Variants in NYNRIN observed in about 807,000 individuals in gnomAD.
NYNRIN encodes NYN domain and retroviral integrase containing, also known as protein NYNRIN.
Under a neutral mutation model 146.6 loss-of-function variants are expected in NYNRIN, and 86 were observed. The ratio of observed to expected loss-of-function variants is 0.59; its 90% CI spans 0.49 to 0.70. The LOEUF (loss-of-function observed/expected upper bound fraction) is 0.70. Ranked by LOEUF, NYNRIN falls within the 30% of genes least tolerant of loss-of-function variation. The pLI is 0.00. For missense variants in NYNRIN, 2,191 were observed against 2,377.7 expected (o/e 0.92, Z 1.63); for synonymous variants, 1,027 against 1,001.3 (o/e 1.03, Z -0.48).
rs1407890698 is a variant in NYNRIN at position 24,418,369 on chromosome 14, C to G, written c.*923C>G. The G allele has an allele frequency of 2.3e-6, 1 of 429,106 alleles. No homozygotes were observed. The highest frequency in any genetic ancestry group is 4.7e-6 in the Non-Finnish European group (1 of 214,514). The allele number at this position is 429,106 out of a possible 1,614,324, so 26.6% of individuals were successfully genotyped here. On this transcript the variant is annotated 3_prime_UTR_variant, in exon 9 of 9. Transcript: ENST00000382554. ...GTGCTGGCATGGCTCTACCTCCCAA[C>G]CCCTCCCAACCCCATCCCAAAGCCT... is the stretch of plus-strand genomic sequence containing the variant.
At chr14:24,404,300 C>T (rs1225058775) in intron 2 of NYNRIN, among the ~76,000 whole-genome samples, 1 of 152,156 alleles carries the variant, frequency 6.6e-6, no homozygotes, top group African/African-American at 2.4e-5. Context: ...TCTTTCATTT[C>T]TGCCATCAAA....
rs1450372895 is a variant in NYNRIN at position 24,415,674 on chromosome 14, T to A, written c.3925T>A (p.Cys1309Ser). The change falls in exon 9 of 9, where the codon TGC becomes AGC. Residue 1309 changes from cysteine (C) to serine (S), a missense_variant. This residue lies in a region of NYNRIN where 1,291 missense variants were observed against 1,417.0 expected (regional missense o/e 0.91). Coordinates refer to ENST00000382554, the MANE Select transcript of NYNRIN (RefSeq NM_025081.3). ...PPFSDLSTFV[C>S]IHMSGYCFYR... Reference sequence around the variant, plus strand: ...TTTCTCTGACCTGTCCACGTTCGTCTGCATCCACATGTCGGGCTACTGCTT... The same window carrying A: ...TTTCTCTGACCTGTCCACGTTCGTCAGCATCCACATGTCGGGCTACTGCTT... 1 of 1,614,040 alleles carries A rather than the reference T, an allele frequency of 6.2e-7. No homozygotes were observed. Among genetic ancestry groups the A allele is most frequent in the Non-Finnish European group, 8.5e-7 (1 of 1,179,892 alleles).
At position 24,399,522 on chromosome 14, in the gene NYNRIN, C is replaced by A; in HGVS notation, c.198+78C>A. The A allele has an allele frequency of 2.4e-5, 32 of 1,310,284 alleles. 1 individual carries two copies. The South Asian group carries it at 4.1e-4, about 17-fold the overall frequency. 81.2% of individuals were successfully genotyped at this position (1,310,284 alleles called of 1,614,324 possible). ...CCCCTTCCCCTGGGGAGATGGTGGT[C>A]CGCAGAGACACCACCCACCCTGCCC... On this transcript the variant is annotated intron_variant, in intron 2 of 8. Coordinates refer to ENST00000382554, the MANE Select transcript of NYNRIN (RefSeq NM_025081.3).
chr14:24,401,203 G>A lies in NYNRIN; in HGVS notation c.198+1759G>A, dbSNP rs376505449. Among the ~76,000 whole-genome samples, 20 of 152,256 alleles carry A rather than the reference G, an allele frequency of 1.3e-4. No individual in the cohort carries two copies. The East Asian group carries it at 3.5e-3, about 26-fold the overall frequency. ...CTGCTGCTTCAGGGTTCTTCGGACC[G>A]CAGATCTCACACCTCAGGCTCCCAC... On this transcript the variant is annotated intron_variant, in intron 2 of 8. Coordinates refer to ENST00000382554, the MANE Select transcript of NYNRIN (RefSeq NM_025081.3).
intron 6 of NYNRIN, among the ~76,000 whole-genome samples, chr14:24,412,385 G>A (rs17199955): frequency 0.12 from 18,954 of 152,194 alleles, 1,264 homozygotes; most frequent in Middle Eastern, 0.16. Flanking sequence ...TTCTTTCCTG[G>A]TCACAGCCCT....
Position 24,399,089 on chromosome 14 carries a change from GGGTCCCGCCGCCTGGAGGAA to G in NYNRIN, c.-18+6_-18+25del. On this transcript the variant is annotated splice_donor_5th_base_variant and intron_variant, in intron 1 of 8. Transcript: ENST00000382554. ...GGCGGGCGCCCGAGCCGTGCGGGGTGGGTCCCGCCGCCTGGAGGAAGGAGGCCGTGCGGGGGGCGCGCCGC... is the reference window on the plus strand; with the variant it reads ...GGCGGGCGCCCGAGCCGTGCGGGGTGGGAGGCCGTGCGGGGGGCGCGCCGC... 1 of 652,960 alleles carries G rather than the reference GGGTCCCGCCGCCTGGAGGAA, an allele frequency of 1.5e-6. No homozygotes were observed. The highest frequency in any genetic ancestry group is 2.5e-6 in the Non-Finnish European group (1 of 400,858). 40.4% of individuals were successfully genotyped at this position (652,960 alleles called of 1,614,324 possible).
intron 4 of NYNRIN, 129 bp downstream of exon 4, chr14:24,410,337 A>G: frequency 1.4e-6 from 1 of 731,584 alleles, no homozygotes; most frequent in Non-Finnish European, 2.2e-6. Context: ...ATGGGAGGGA[A>G]GTGGTCCATC....
intron 1 of NYNRIN, 56 bp from the exon 2 acceptor site, chr14:24,399,174 G>C: frequency 6.9e-7 from 1 of 1,441,818 alleles, no homozygotes; most frequent in Non-Finnish European, 9.6e-7. Flanking sequence ...GGGGCTGGGG[G>C]CTGGGGCGCC....
chr14:24,413,422 T>C lies in NYNRIN; in HGVS notation c.2846+5T>C, dbSNP rs376775804. 1.6e-5 allele frequency: 25 copies of C among 1,602,312 alleles called. No individual in the cohort carries two copies. The African/African-American group carries it at 3.2e-4, about 21-fold the overall frequency. ...GTTTCTGAAGAAGCCAAACAGGTAA[T>C]AGGTCAGACCTCCCCAGCCTCCCAG... On this transcript the variant is annotated splice_donor_5th_base_variant and intron_variant, in intron 8 of 8. Transcript: ENST00000382554.
intron 2 of NYNRIN, among the ~76,000 whole-genome samples, chr14:24,405,163 C>T (rs921471419): frequency 6.6e-6 from 1 of 152,014 alleles, no homozygotes; most frequent in African/African-American, 2.4e-5. Context: ...CCCTTCACTT[C>T]CAATTCCAGA....
chr14:24,414,279 G>A (rs1465623732), intron 8 of NYNRIN, among the ~76,000 whole-genome samples: 1 of 152,262 alleles, frequency 6.6e-6, no homozygotes. Flanking sequence ...GCTCATCCTG[G>A]GTTAGGCTGG....
chr14:24,417,196 G>T lies in NYNRIN; in HGVS notation c.5447G>T (p.Arg1816Leu), dbSNP rs775804688. ...DKASEKAENR[R>L]FKRESQEKEW... is the part of the protein sequence containing the mutation. The stretch of plus-strand genomic sequence containing the variant: ...GCGAGTGAAAAGGCCGAGAACAGGC[G>T]TTTCAAGCGGGAGAGCCAGGAGAAG... The change falls in exon 9 of 9, where the codon CGT (arginine) becomes CTT (leucine). Residue 1816 changes from arginine to leucine, a missense_variant. By Grantham distance (102) the Arg-to-Leu change is moderately radical. Coordinates refer to ENST00000382554, the MANE Select transcript of NYNRIN (RefSeq NM_025081.3). 2 of 1,614,078 alleles carry T rather than the reference G, an allele frequency of 1.2e-6. No individual in the cohort carries two copies. The highest frequency in any genetic ancestry group is 4.5e-5 in the East Asian group (2 of 44,890).
chr14:24,417,580 C>A lies in NYNRIN; in HGVS notation c.*134C>A. On this transcript the variant is annotated 3_prime_UTR_variant, in exon 9 of 9. Coordinates refer to ENST00000382554, the MANE Select transcript of NYNRIN (RefSeq NM_025081.3). Reference sequence around the variant, plus strand: ...TTTGTAGAGAACTTGCTTCATAAAGCTTTGCTGAATTGCCTTGAACTAGGG... The same window carrying A: ...TTTGTAGAGAACTTGCTTCATAAAGATTTGCTGAATTGCCTTGAACTAGGG... 7.9e-7 allele frequency: 1 copy of A among 1,268,376 alleles called. No individual in the cohort carries two copies. The highest frequency in any genetic ancestry group is 1.0e-6 in the Non-Finnish European group (1 of 972,858). The allele number at this position is 1,268,376 out of a possible 1,614,324, so 78.6% of individuals were successfully genotyped here. A position where few individuals can be genotyped will look rare whatever the true frequency, so the allele number is the denominator to read the frequency against.
At chr14:24,401,381 G>T (rs2042842165) in intron 2 of NYNRIN, among the ~76,000 whole-genome samples, 1 of 151,976 alleles carries the variant, frequency 6.6e-6, no homozygotes, top group African/African-American at 2.4e-5. Flanking sequence ...TTTACACAAT[G>T]ACCATAAAGG....
chr14:24,402,309 T>C (rs886485665), intron 2 of NYNRIN, among the ~76,000 whole-genome samples: 1 of 152,028 alleles, frequency 6.6e-6, no homozygotes, highest in Admixed American at 6.6e-5. Context: ...GTTTTAGTAA[T>C]GATCAGAAGA....
chr14:24,412,004 C>T lies in NYNRIN; in HGVS notation c.2642+554C>T, dbSNP rs1193685465. 2.0e-5 allele frequency among the ~76,000 whole-genome samples: 3 copies of T among 152,174 alleles called. No individual in the cohort carries two copies. In the South Asian group the frequency reaches 6.2e-4, roughly 32 times the overall value. ...TCAGGGGAAGCCTGTGACCCTGCCT[C>T]TCTTAGGGCAGGGAAGGCCCTGGCA... On this transcript the variant is annotated intron_variant, in intron 6 of 8. Transcript: ENST00000382554.
rs765263797 is a variant in NYNRIN at position 24,415,551 on chromosome 14, A to C, written c.3802A>C (p.Arg1268=). The C allele has an allele frequency of 1.2e-6, 2 of 1,613,778 alleles. No individual in the cohort carries two copies. Among genetic ancestry groups the C allele is most frequent in the Non-Finnish European group, 1.7e-6 (2 of 1,179,788 alleles). The stretch of plus-strand genomic sequence containing the variant: ...CCTCTTGGTTCAGGACAAAGGCAAG[A>C]GGGCCCTGGAATTGGCCCTCCTCCA... The part of the protein sequence containing the change: ...WSLLVQDKGK[R]ALELALLQGL... Residue 1268 remains arginine, a synonymous_variant, in exon 9 of 9, where the codon AGG becomes CGG. Coordinates refer to ENST00000382554, the MANE Select transcript of NYNRIN (RefSeq NM_025081.3).
Position 24,417,501 on chromosome 14 carries a change from C to A in NYNRIN, c.*55C>A. The A allele has an allele frequency of 7.0e-7, 1 of 1,433,168 alleles. No homozygotes were observed. The highest frequency in any genetic ancestry group is 2.9e-5 in the Admixed American group (1 of 35,040). The allele number at this position is 1,433,168 out of a possible 1,614,324, so 88.8% of individuals were successfully genotyped here. On this transcript the variant is annotated 3_prime_UTR_variant, in exon 9 of 9. Coordinates refer to ENST00000382554, the MANE Select transcript of NYNRIN (RefSeq NM_025081.3). The stretch of plus-strand genomic sequence containing the variant: ...AGGGCCGTGGGTTTCTGCTGCTAGG[C>A]CTCCCCCTGTCCCAGCAGTGCTCTC...
chr14:24,409,392 C>T lies in NYNRIN; in HGVS notation c.1598C>T (p.Ser533Leu). The T allele has an allele frequency of 3.1e-6, 5 of 1,614,044 alleles. No homozygotes were observed. The highest frequency in any genetic ancestry group is 4.2e-6 in the Non-Finnish European group (5 of 1,179,900). Residue 533 changes from serine (S) to leucine (L), a missense_variant, in exon 4 of 9, where the codon TCA becomes TTA. Physicochemically the swap from Ser to Leu is moderately radical, Grantham distance 145. This residue lies in a region of NYNRIN where 895 missense variants were observed against 941.2 expected (regional missense o/e 0.95). Coordinates refer to ENST00000382554, the MANE Select transcript of NYNRIN (RefSeq NM_025081.3). ...GCTCAAGGGGGGCTGACAGATCAGTCAGTACCTGGAGCTCAAACAGTGCCT... is the reference window on the plus strand; with the variant it reads ...GCTCAAGGGGGGCTGACAGATCAGTTAGTACCTGGAGCTCAAACAGTGCCT... ...PVAQGGLTDQ[S>L]VPGAQTVPET...
Sources: gnomAD v4.1 joint callset for allele counts (sites outside exome capture counted in the v4.1 genomes callset) on GRCh38, gnomAD v4.1.1 for gene constraint, gnomAD v4.1.1 regional missense constraint, MANE v1.5 for transcripts, NCBI Gene and HGNC (gene_info 2026-07-23, HGNC 2026-07-21) for gene names.